The following ATP2B2 variants were observed in gnomAD, a reference collection of about 807,000 sequenced individuals.
The protein encoded by ATP2B2 is ATPase plasma membrane Ca2+ transporting 2.
Under a neutral mutation model 120.0 loss-of-function variants are expected in ATP2B2, and 15 were observed. That is an observed-to-expected ratio of 0.12 (90% CI 0.08 to 0.19). ATP2B2 has a LOEUF of 0.19. Ranked by LOEUF, ATP2B2 falls within the 10% of genes least tolerant of loss-of-function variation. The pLI, the probability that ATP2B2 is intolerant of heterozygous loss-of-function variation, is 1.00. For synonymous variants in ATP2B2, 694 were observed against 700.3 expected, an observed-to-expected ratio of 0.99 and a Z score of 0.14; for missense variants, 1,045 against 1,719.8, an observed-to-expected ratio of 0.61 and a Z score of 6.94.
At chr3:10,470,810 GT>G (rs2064953435) in intron 1 of ATP2B2, among the ~76,000 whole-genome samples, 2 of 152,150 alleles carry the variant, frequency 1.3e-5, no homozygotes, top group Admixed American at 6.5e-5. Context: ...GCACAGAGCA[GT>G]GACCTTTGAT....
intron 7 of ATP2B2, among the ~76,000 whole-genome samples, 177 bp from the exon 8 acceptor site, chr3:10,385,504 G>C (rs1461887139): frequency 6.6e-6 from 1 of 152,178 alleles, no homozygotes; most frequent in African/African-American, 2.4e-5. Context: ...CCATAGAGAT[G>C]CCGCAGAGGT....
At chr3:10,344,040 A>G (rs942817770) in intron 18 of ATP2B2, among the ~76,000 whole-genome samples, 19 of 151,798 alleles carry the variant, frequency 1.3e-4, no homozygotes, top group African/African-American at 4.6e-4. Flanking sequence ...ATCACCTCCC[A>G]GGTTTCATCA....
chr3:10,324,650 G>A lies in ATP2B2; in HGVS notation c.*4164C>T, dbSNP rs1423481555. ...TGGGAGGCTTGTCAGAATGCACCAG[G>A]TTGGCAGCCTCCTGCAGGTAGCGCA... On this transcript the variant is annotated 3_prime_UTR_variant, in exon 23 of 23. Coordinates refer to ENST00000360273, the MANE Select transcript of ATP2B2 (RefSeq NM_001001331.4). 2 of 152,250 alleles carry A rather than the reference G, an allele frequency of 1.3e-5. No individual in the cohort carries two copies. Among genetic ancestry groups the A allele is most frequent in the Non-Finnish European group, 2.9e-5 (2 of 68,092 alleles). 9.4% of individuals were successfully genotyped at this position (152,250 alleles called of 1,614,324 possible). A position where few individuals can be genotyped will look rare whatever the true frequency, so the allele number is the denominator to read the frequency against.
chr3:10,597,480 C>T (rs1445598528), intron 2 of ATP2B2, among the ~76,000 whole-genome samples: 1 of 152,074 alleles, frequency 6.6e-6, no homozygotes, highest in African/African-American at 2.4e-5. Context: ...TAGGAGGAGC[C>T]CCTAGGTTAA....
At chr3:10,471,907 C>T (rs1256305520) in intron 1 of ATP2B2, among the ~76,000 whole-genome samples, 1 of 151,636 alleles carries the variant, frequency 6.6e-6, no homozygotes, top group Non-Finnish European at 1.5e-5. Flanking sequence ...GGTGAAACCC[C>T]GTCTCTACTA....
intron 3 of ATP2B2, among the ~76,000 whole-genome samples, chr3:10,531,336 A>G (rs1183763664): frequency 6.6e-6 from 1 of 152,238 alleles, no homozygotes; most frequent in African/African-American, 2.4e-5. Flanking sequence ...GGTTCCCAGC[A>G]GATGCTACTT....
At chr3:10,707,542 T>C (rs1000569498) in intron 1 of ATP2B2, among the ~76,000 whole-genome samples, 3 of 152,156 alleles carry the variant, frequency 2.0e-5, no homozygotes, top group Admixed American at 1.3e-4. Context: ...CGGAGCCATC[T>C]GGGAAGAAGA....
chr3:10,562,427 G>T (rs772347061), intron 2 of ATP2B2, among the ~76,000 whole-genome samples: 4 of 152,128 alleles, frequency 2.6e-5, no homozygotes, highest in Non-Finnish European at 5.9e-5. Context: ...CTGCCCTCCA[G>T]GGGTGGGGCT....
At chr3:10,366,019 C>T (rs1395894700) in intron 12 of ATP2B2, among the ~76,000 whole-genome samples, 1 of 152,098 alleles carries the variant, frequency 6.6e-6, no homozygotes, top group Non-Finnish European at 1.5e-5. Flanking sequence ...ATTCGACACC[C>T]AGGCCCCTGC....
intron 1 of ATP2B2, among the ~76,000 whole-genome samples, chr3:10,460,206 TCC>T (rs1438771396): frequency 2.0e-5 from 3 of 152,116 alleles, no homozygotes; most frequent in Non-Finnish European, 4.4e-5. Context: ...GCCCCCTCTC[TCC>T]CCAGCAGGTT....
chr3:10,549,287 T>G (rs1559453134), intron 2 of ATP2B2, among the ~76,000 whole-genome samples: 1 of 152,232 alleles, frequency 6.6e-6, no homozygotes, highest in East Asian at 1.9e-4. Context: ...CCCTGTGCTG[T>G]ACTGTTCACT....
chr3:10,417,803 G>GTT (rs1213157722), intron 2 of ATP2B2, among the ~76,000 whole-genome samples: 2 of 152,130 alleles, frequency 1.3e-5, no homozygotes, highest in Non-Finnish European at 2.9e-5. Context: ...TCAGATGAAG[G>GTT]GATATGGGTG....
chr3:10,623,464 A>C, intron 1 of ATP2B2, among the ~76,000 whole-genome samples: 1 of 152,116 alleles, frequency 6.6e-6, no homozygotes. Context: ...CAAAAACAAA[A>C]CTTGAAAGGA....
chr3:10,669,779 A>G (rs998211243), intron 1 of ATP2B2, among the ~76,000 whole-genome samples: 3 of 152,058 alleles, frequency 2.0e-5, no homozygotes, highest in Non-Finnish European at 2.9e-5. Flanking sequence ...CACCCCCCAG[A>G]GACAGGAACA....
intron 5 of ATP2B2, among the ~76,000 whole-genome samples, chr3:10,396,303 A>T (rs2124934766): frequency 6.6e-6 from 1 of 152,394 alleles, no homozygotes; most frequent in Middle Eastern, 3.4e-3. Context: ...TGGAGGCCTC[A>T]CCAGCTTCCC....
chr3:10,666,539 G>A (rs1363733218), intron 1 of ATP2B2, among the ~76,000 whole-genome samples: 3 of 152,218 alleles, frequency 2.0e-5, no homozygotes, highest in African/African-American at 7.2e-5. Flanking sequence ...AGAGGCTGGT[G>A]GTGCCCAGCT....
chr3:10,551,040 G>A (rs2067658733), intron 2 of ATP2B2, among the ~76,000 whole-genome samples: 4 of 152,186 alleles, frequency 2.6e-5, no homozygotes, highest in Admixed American at 6.5e-5. Context: ...AATGTGTGTG[G>A]AGACCTTCTG....
intron 1 of ATP2B2, among the ~76,000 whole-genome samples, chr3:10,473,187 T>C (rs1429948048): frequency 6.6e-6 from 1 of 152,228 alleles, no homozygotes; most frequent in Non-Finnish European, 1.5e-5. Context: ...CAGGTCTCAC[T>C]CTCTCTTGCC....
intron 21 of ATP2B2, among the ~76,000 whole-genome samples, chr3:10,339,999 TGA>T (rs1421710855): frequency 1.3e-5 from 2 of 152,180 alleles, no homozygotes; most frequent in Non-Finnish European, 2.9e-5. Flanking sequence ...CTGACGTGAT[TGA>T]GAGAAAATAT....
Sources: gnomAD v4.1 joint callset for allele counts (sites outside exome capture counted in the v4.1 genomes callset) on GRCh38, gnomAD v4.1.1 for gene constraint, MANE v1.5 for transcripts, NCBI Gene and HGNC (gene_info 2026-07-23, HGNC 2026-07-21) for gene names.